The following KIAA0825 variants were observed in gnomAD, a reference collection of about 807,000 sequenced individuals.
The protein encoded by KIAA0825 is uncharacterized protein KIAA0825.
A neutral mutation model predicts 147.6 loss-of-function variants in KIAA0825; 119 were observed. That is an observed-to-expected ratio of 0.81 (90% confidence interval 0.69 to 0.94). The LOEUF (loss-of-function observed/expected upper bound fraction) is 0.94. KIAA0825 is among the 40% of genes least tolerant of loss of function. The pLI is 0.00. For synonymous variants in KIAA0825, 470 were observed against 518.1 expected, an observed-to-expected ratio of 0.91 and a Z score of 1.26; for missense variants, 1,381 against 1,472.7, an observed-to-expected ratio of 0.94 and a Z score of 1.02.
At chr5:94,564,824 C>A (rs1778304662) in intron 2 of KIAA0825, among the ~76,000 whole-genome samples, 2 of 152,024 alleles carry the variant, frequency 1.3e-5, no homozygotes, top group African/African-American at 2.4e-5. Context: ...TCAACTTATC[C>A]CTGTGCAGGG....
intron 1 of KIAA0825, among the ~76,000 whole-genome samples, chr5:94,606,484 G>T (rs192885030): frequency 6.6e-6 from 1 of 152,076 alleles, no homozygotes; most frequent in African/African-American, 2.4e-5. Flanking sequence ...CTGGAGGAAC[G>T]GTGTTACCTA....
At chr5:94,595,768 C>T (rs552112645) in intron 1 of KIAA0825, among the ~76,000 whole-genome samples, 1 of 152,226 alleles carries the variant, frequency 6.6e-6, no homozygotes, top group Middle Eastern at 3.4e-3. Flanking sequence ...CTATATAAAA[C>T]TGAATGCTTT....
chr5:94,186,904 A>G (rs1236793107), intron 20 of KIAA0825, among the ~76,000 whole-genome samples: 2 of 152,210 alleles, frequency 1.3e-5, no homozygotes, highest in African/African-American at 4.8e-5. Flanking sequence ...GAGAGGGGCC[A>G]GTGTGTATAG....
At chr5:94,560,616 C>T (rs1434341223) in intron 2 of KIAA0825, among the ~76,000 whole-genome samples, 5 of 152,322 alleles carry the variant, frequency 3.3e-5, no homozygotes, top group Admixed American at 3.3e-4. Flanking sequence ...TTGGTTATTT[C>T]AGTCATAATA....
intron 7 of KIAA0825, among the ~76,000 whole-genome samples, chr5:94,475,282 T>G (rs1761737804): frequency 6.6e-6 from 1 of 152,196 alleles, no homozygotes; most frequent in South Asian, 2.1e-4. Context: ...GATTTTTGTT[T>G]TCCCTATCAG....
At chr5:94,531,130 TA>T (rs969652207) in intron 3 of KIAA0825, among the ~76,000 whole-genome samples, 50 of 151,940 alleles carry the variant, frequency 3.3e-4, no homozygotes, top group East Asian at 2.3e-3. Flanking sequence ...ATACTGTACT[TA>T]AAAAAAACTC....
At chr5:94,347,620 G>A (rs1447091528) in intron 20 of KIAA0825, among the ~76,000 whole-genome samples, 1 of 152,136 alleles carries the variant, frequency 6.6e-6, no homozygotes, top group Non-Finnish European at 1.5e-5. Context: ...TACATCAAGG[G>A]AATACCCTGT....
At chr5:94,213,361 T>G (rs564346981) in intron 20 of KIAA0825, among the ~76,000 whole-genome samples, 1 of 152,288 alleles carries the variant, frequency 6.6e-6, no homozygotes, top group South Asian at 2.1e-4. Context: ...TAGACTACCA[T>G]TATCTCTGGC....
At chr5:94,320,474 AC>A (rs897536389) in intron 20 of KIAA0825, among the ~76,000 whole-genome samples, 8 of 150,934 alleles carry the variant, frequency 5.3e-5, no homozygotes, top group African/African-American at 1.5e-4. Flanking sequence ...GTCTTCATCC[AC>A]CCCCCTCACC....
chr5:94,371,268 T>A (rs573554284), intron 20 of KIAA0825, among the ~76,000 whole-genome samples: 3 of 152,162 alleles, frequency 2.0e-5, no homozygotes, highest in African/African-American at 7.2e-5. Flanking sequence ...AAGGTATGAG[T>A]TTCACTTACA....
At chr5:94,352,215 T>C (rs1783749308) in intron 20 of KIAA0825, among the ~76,000 whole-genome samples, 1 of 151,844 alleles carries the variant, frequency 6.6e-6, no homozygotes, top group Non-Finnish European at 1.5e-5. Flanking sequence ...CTCAAACAAA[T>C]CAGCAAGAAC....
At chr5:94,587,531 A>G (rs975711761) in intron 1 of KIAA0825, among the ~76,000 whole-genome samples, 1 of 152,204 alleles carries the variant, frequency 6.6e-6, no homozygotes, top group Non-Finnish European at 1.5e-5. Context: ...TCACTGCTCA[A>G]CGAAATAAAA....
At chr5:94,219,554 A>C (rs1773506086) in intron 20 of KIAA0825, among the ~76,000 whole-genome samples, 1 of 152,188 alleles carries the variant, frequency 6.6e-6, no homozygotes, top group Admixed American at 6.6e-5. Context: ...ATTGATAGGC[A>C]ACTTCATCAT....
intron 20 of KIAA0825, among the ~76,000 whole-genome samples, chr5:94,312,512 G>A (rs776007302): frequency 2.6e-5 from 4 of 151,564 alleles, no homozygotes; most frequent in Non-Finnish European, 4.4e-5. Context: ...AATATTTTGC[G>A]TTCTAAAGAT....
At chr5:94,443,359 T>C (rs376369533) in intron 13 of KIAA0825, among the ~76,000 whole-genome samples, 2,605 of 148,702 alleles carry the variant, frequency 0.018, 30 homozygotes, top group Non-Finnish European at 0.019. Flanking sequence ...TGTATATATA[T>C]ACACACACAC....
chr5:94,494,697 C>T (rs1473509198), intron 5 of KIAA0825, among the ~76,000 whole-genome samples: 2 of 152,100 alleles, frequency 1.3e-5, no homozygotes, highest in African/African-American at 2.4e-5. Flanking sequence ...TGCAAGAGTT[C>T]AGTTAATTAT....
intron 17 of KIAA0825, among the ~76,000 whole-genome samples, chr5:94,392,537 C>G (rs534551589): frequency 6.6e-6 from 1 of 152,154 alleles, no homozygotes; most frequent in African/African-American, 2.4e-5. Flanking sequence ...ATATTCCACA[C>G]TAATTTTCTT....
chr5:94,360,729 C>T (rs986898522), intron 20 of KIAA0825, among the ~76,000 whole-genome samples: 6 of 152,154 alleles, frequency 3.9e-5, no homozygotes, highest in East Asian at 1.9e-4. Context: ...AGAAAACTTA[C>T]GAATAATCTA....
chr5:94,153,469 A>T lies in KIAA0825; in HGVS notation c.*538T>A, dbSNP rs972388465. 9.2e-5 allele frequency: 14 copies of T among 152,184 alleles called. No homozygotes were observed. The highest frequency in any genetic ancestry group is 3.1e-4 in the African/African-American group (13 of 41,426). 9.4% of individuals were successfully genotyped at this position (152,184 alleles called of 1,614,324 possible). A position where few individuals can be genotyped will look rare whatever the true frequency, so the allele number is the denominator to read the frequency against. ...CCACTACAAGCAGAGGTGTGACTAA[A>T]GTTATAGTTCAGGAGAATGCTTTTT... is the stretch of plus-strand genomic sequence containing the variant. On this transcript the variant is annotated 3_prime_UTR_variant, in exon 21 of 21. Transcript: ENST00000682413.
Sources: allele counts gnomAD v4.1 joint callset (sites outside exome capture counted in the v4.1 genomes callset), GRCh38; gene constraint gnomAD v4.1.1; transcripts MANE v1.5; gene names NCBI Gene and HGNC (gene_info 2026-07-23, HGNC 2026-07-21).